Variants in ITK observed in about 807,000 individuals in gnomAD.
The protein encoded by ITK is tyrosine-protein kinase ITK/TSK.
In ITK, 45 loss-of-function variants were observed where a neutral mutation model predicts 87.6. The observed-to-expected ratio is 0.51, with a 90% CI of 0.40 to 0.66. The LOEUF (loss-of-function observed/expected upper bound fraction) is 0.66, where lower values mean the gene tolerates loss of function less well. Among genes scored for constraint, ITK ranks in the 30% least tolerant of loss-of-function variants. ITK has a pLI of 0.00. For synonymous variants in ITK, 303 were observed against 273.6 expected (o/e 1.11, Z -1.06); for missense variants, 605 against 766.3 (o/e 0.79, Z 2.48).
intron 1 of ITK, among the ~76,000 whole-genome samples, chr5:157,193,975 G>C (rs546141231): frequency 1.3e-5 from 2 of 152,244 alleles, no homozygotes; most frequent in African/African-American, 4.8e-5. Context: ...CTTTGAACAA[G>C]ATAAAAGTAA....
At chr5:157,252,416 A>T (rs1580913805) in intron 16 of ITK, among the ~76,000 whole-genome samples, 191 bp from the exon 17 acceptor site, 1 of 152,360 alleles carries the variant, frequency 6.6e-6, no homozygotes, top group African/African-American at 2.4e-5. Context: ...TAAAACTGAG[A>T]TTAAACACTA....
rs374724747 is a variant in ITK at position 157,252,621 on chromosome 5, G to A, written c.1806G>A (p.Arg602=). ...NHCWKERPED[R]PAFSRLLRQL... ...TCCCTCTCCAGAGACCAGAAGATCGGCCAGCCTTCTCCAGACTGCTGCGTC... is the reference window on the plus strand; with the variant it reads ...TCCCTCTCCAGAGACCAGAAGATCGACCAGCCTTCTCCAGACTGCTGCGTC... The change falls in exon 17 of 17, where the codon CGG becomes CGA. Residue 602 remains arginine, a synonymous_variant. Coordinates refer to ENST00000422843, the MANE Select transcript of ITK (RefSeq NM_005546.4). 2.8e-5 allele frequency: 45 copies of A among 1,613,850 alleles called. No individual in the cohort carries two copies. In the African/African-American group the frequency reaches 5.3e-4, roughly 19 times the overall value.
In ITK at chr5:157,246,142, C is replaced by T. The variant is rs944655487; in HGVS notation, c.1633+143C>T. ...CCACTGGAGGGTTGTGTAAGAAAGG[C>T]CCCGAAAACTATGAAAGGGCCTTCA... On this transcript the variant is annotated intron_variant, in intron 15 of 16. Transcript: ENST00000422843. 4.9e-5 allele frequency: 36 copies of T among 741,516 alleles called. No homozygotes were observed. The Admixed American group carries it at 5.4e-4, about 11-fold the overall frequency. The allele number at this position is 741,516 out of a possible 1,614,324, so 45.9% of individuals were successfully genotyped here.
At chr5:157,232,615 G>A (rs896137281) in intron 8 of ITK, among the ~76,000 whole-genome samples, 3 of 140,550 alleles carry the variant, frequency 2.1e-5, no homozygotes, top group African/African-American at 7.8e-5. Context: ...GGGAGGGAGG[G>A]AAGAAAGGTA....
chr5:157,188,200 C>T (rs2113737369), intron 1 of ITK, among the ~76,000 whole-genome samples: 1 of 152,280 alleles, frequency 6.6e-6, no homozygotes, highest in African/African-American at 2.4e-5. Flanking sequence ...CAGTTGCCTT[C>T]CAGCTGGGCT....
chr5:157,228,915 G>T (rs71591325), intron 7 of ITK, among the ~76,000 whole-genome samples: 2,492 of 152,228 alleles, frequency 0.016, 29 homozygotes, highest in Non-Finnish European at 0.027. Flanking sequence ...GGTATGAACC[G>T]CTGTGCCCAG....
At chr5:157,202,541 A>G (rs1753998220) in intron 1 of ITK, among the ~76,000 whole-genome samples, 1 of 152,098 alleles carries the variant, frequency 6.6e-6, no homozygotes, top group Non-Finnish European at 1.5e-5. Flanking sequence ...TTCTTTTGTT[A>G]ATGGGCATTT....
chr5:157,207,301 A>G (rs1246622522), intron 1 of ITK, among the ~76,000 whole-genome samples: 1 of 150,378 alleles, frequency 6.6e-6, no homozygotes, highest in Admixed American at 6.6e-5. Context: ...ATTCTGATAC[A>G]CATACTAGTC....
chr5:157,217,474 T>A (rs1465771520), intron 4 of ITK, among the ~76,000 whole-genome samples: 1 of 151,954 alleles, frequency 6.6e-6, no homozygotes, highest in Non-Finnish European at 1.5e-5. Flanking sequence ...TGAGTCACTG[T>A]CCCCCTGAGT....
intron 7 of ITK, among the ~76,000 whole-genome samples, chr5:157,229,261 T>C (rs983036056): frequency 1.3e-5 from 2 of 152,250 alleles, no homozygotes; most frequent in Non-Finnish European, 2.9e-5. Context: ...TAAAGTTTGA[T>C]GAGCTGTGGC....
chr5:157,235,304 C>A (rs1754755068), intron 8 of ITK, among the ~76,000 whole-genome samples: 1 of 152,174 alleles, frequency 6.6e-6, no homozygotes, highest in South Asian at 2.1e-4. Context: ...CATTTGGGAG[C>A]CACTAAAAAG....
intron 1 of ITK, among the ~76,000 whole-genome samples, chr5:157,204,028 C>A (rs1337637759): frequency 6.6e-6 from 1 of 152,140 alleles, no homozygotes; most frequent in African/African-American, 2.4e-5. Context: ...TTGTTTGAAA[C>A]GGTGTCCTGC....
intron 15 of ITK, 33 bp from the exon 16 acceptor site, chr5:157,248,817 C>A: frequency 6.2e-7 from 1 of 1,613,618 alleles, no homozygotes; most frequent in Non-Finnish European, 8.5e-7. Context: ...TGGGCTTTGT[C>A]ATTCACTGTG....
intron 1 of ITK, among the ~76,000 whole-genome samples, chr5:157,198,605 G>C (rs1291789351): frequency 6.6e-6 from 1 of 152,152 alleles, no homozygotes; most frequent in Non-Finnish European, 1.5e-5. Flanking sequence ...AATGGTCTTA[G>C]CTCCAGACTT....
Position 157,244,038 on chromosome 5 carries a change from G to A in ITK, c.1233-224G>A, listed in dbSNP as rs963766369. The A allele has an allele frequency of 1.4e-5, 9 of 666,374 alleles. No homozygotes were observed. The Admixed American group carries it at 1.7e-4, about 13-fold the overall frequency. 41.3% of individuals were successfully genotyped at this position (666,374 alleles called of 1,614,324 possible). A position where few individuals can be genotyped will look rare whatever the true frequency, so the allele number is the denominator to read the frequency against. On this transcript the variant is annotated intron_variant, in intron 12 of 16. Coordinates refer to ENST00000422843, the MANE Select transcript of ITK (RefSeq NM_005546.4). ...CTCTCCTCCAGTCCATGACATGCCA[G>A]CCACACTGGCCTCTGCTCATCTTCA...
chr5:157,240,941 CTTTTTTTTTTTTTT>C (rs1222430919), intron 10 of ITK: 3 of 139,174 alleles, frequency 2.2e-5, no homozygotes, highest in East Asian at 4.2e-4. Flanking sequence ...TCTTTTCTTT[CTTTTTTTTTTTTTT>C]GAGACAGAGT....
At chr5:157,186,676 CAA>C (rs1233415361) in intron 1 of ITK, among the ~76,000 whole-genome samples, 9 of 103,154 alleles carry the variant, frequency 8.7e-5, no homozygotes, top group South Asian at 3.2e-4. Flanking sequence ...AACTCCGTCT[CAA>C]AAAAAGAGAG....
intron 3 of ITK, 77 bp downstream of exon 3, chr5:157,211,445 G>T: frequency 2.4e-6 from 3 of 1,229,190 alleles, no homozygotes; most frequent in East Asian, 2.3e-5. Context: ...ATAGAATAGA[G>T]TGTGGTGTGA....
intron 1 of ITK, among the ~76,000 whole-genome samples, chr5:157,201,873 A>G (rs1278643220): frequency 2.6e-5 from 4 of 152,216 alleles, no homozygotes; most frequent in Non-Finnish European, 5.9e-5. Flanking sequence ...TCAGAGGTAC[A>G]TGTGCAGGTT....
Sources: allele counts gnomAD v4.1 joint callset (sites outside exome capture counted in the v4.1 genomes callset), GRCh38; gene constraint gnomAD v4.1.1; transcripts MANE v1.5; gene names NCBI Gene and HGNC (gene_info 2026-07-23, HGNC 2026-07-21).